Variants in SCNN1G observed in about 807,000 individuals in gnomAD.
The protein encoded by SCNN1G is epithelial sodium channel subunit gamma.
SCNN1G carries 27 observed loss-of-function variants against 64.6 expected under a neutral mutation model. The ratio of observed to expected loss-of-function variants is 0.42; its 90% CI spans 0.31 to 0.58. SCNN1G has a LOEUF of 0.58. Among genes scored for constraint, SCNN1G ranks in the 20% least tolerant of loss-of-function variants. The probability of loss-of-function intolerance (pLI) is 0.18; values close to 1 mark genes in which losing one functional copy is unlikely to be tolerated. For synonymous variants in SCNN1G, 330 were observed against 314.2 expected (o/e 1.05, Z -0.53); for missense variants, 743 against 823.4 (o/e 0.90, Z 1.19).
rs371061652 is a variant in SCNN1G at position 23,189,385 on chromosome 16, G to C, written c.332G>C (p.Arg111Pro). ...CACCTTGGCAGGTACAGCACCGTTC[G>C]CCACCTTCTAGCTGACTTGGAACAG... ...NINPYKYSTV[R>P]HLLADLEQET... is the part of the protein sequence containing the mutation. The change falls in exon 3 of 13, where the codon CGC becomes CCC. Residue 111 changes from arginine (R) to proline (P), a missense_variant. Transcript: ENST00000300061. 10 of 1,613,620 alleles carry C rather than the reference G, an allele frequency of 6.2e-6. No homozygotes were observed. The highest frequency in any genetic ancestry group is 2.2e-5 in the East Asian group (1 of 44,872).
rs1959813526 is a variant in SCNN1G, at chr16:23,197,396, C to T, written c.1046C>T (p.Thr349Ile). The T allele has an allele frequency of 6.2e-7, 1 of 1,614,020 alleles. No individual in the cohort carries two copies. Among genetic ancestry groups the T allele is most frequent in the South Asian group, 1.1e-5 (1 of 91,078 alleles). The change falls in exon 6 of 13, where the codon ACA becomes ATA. Residue 349 changes from threonine to isoleucine, a missense_variant. By Grantham distance (89) the Thr-to-Ile change is moderately conservative (BLOSUM62 -1). Transcript: ENST00000300061. ...GAAGATGTGGGAACAGAGATTGAGA[C>T]AGCAATGGTCACCTCTATAGGAATG... ...FVEDVGTEIE[T>I]AMVTSIGMHL...
Position 23,212,083 on chromosome 16 carries a change from G to A in SCNN1G, c.1226G>A (p.Cys409Tyr), listed in dbSNP as rs763930159. Reference sequence around the variant, plus strand: ...ACAAAGATGGTGGAGAAATGTGGGTGTGCCCAGTACAGCCAGCCTCTACCT... The same window carrying A: ...ACAAAGATGGTGGAGAAATGTGGGTATGCCCAGTACAGCCAGCCTCTACCT... ...FQTKMVEKCG[C>Y]AQYSQPLPPA... The change falls in exon 8 of 13, where the codon TGT (cysteine) becomes TAT (tyrosine). Residue 409 changes from cysteine to tyrosine, a missense_variant. Coordinates refer to ENST00000300061, the MANE Select transcript of SCNN1G (RefSeq NM_001039.4). 4 of 1,614,068 alleles carry A rather than the reference G, an allele frequency of 2.5e-6. No individual in the cohort carries two copies. In the Admixed American group the frequency reaches 6.7e-5, roughly 27 times the overall value.
Position 23,186,325 on chromosome 16 carries a change from G to C in SCNN1G, c.54G>C (p.Thr18=), listed in dbSNP as rs372381156. ...AAATCAAGAAGAATCTGCCCGTGAC[G>C]GGCCCTCAGGCGCCGACCATTAAAG... ...KAKIKKNLPV[T]GPQAPTIKEL... The change falls in exon 2 of 13, where the codon ACG becomes ACC. Residue 18 remains threonine (T), a synonymous_variant. Transcript: ENST00000300061. 6.2e-7 allele frequency: 1 copy of C among 1,614,200 alleles called. No homozygotes were observed. Among genetic ancestry groups the C allele is most frequent in the Non-Finnish European group, 8.5e-7 (1 of 1,180,036 alleles).
chr16:23,208,571 C>A (rs1029681007), intron 6 of SCNN1G, among the ~76,000 whole-genome samples: 2 of 151,770 alleles, frequency 1.3e-5, no homozygotes, highest in Non-Finnish European at 2.9e-5. Flanking sequence ...TCCCTGCTCC[C>A]GCTTCCTTTC....
intron 6 of SCNN1G, among the ~76,000 whole-genome samples, chr16:23,199,655 TTTC>T (rs1959853596): frequency 6.9e-6 from 1 of 144,756 alleles, no homozygotes; most frequent in South Asian, 2.1e-4. Flanking sequence ...TTTCTTTTCT[TTTC>T]TTTTCTTTTT....
rs954121504 is a variant in SCNN1G at position 23,194,189 on chromosome 16, C to A, written c.828C>A (p.His276Gln). 2.5e-6 allele frequency: 4 copies of A among 1,613,588 alleles called. No individual in the cohort carries two copies. The highest frequency in any genetic ancestry group is 3.4e-6 in the Non-Finnish European group (4 of 1,179,618). The change falls in exon 5 of 13, where the codon CAC becomes CAA. Residue 276 changes from histidine (H) to glutamine (Q), a missense_variant. His to Gln is a conservative substitution (Grantham distance 24, BLOSUM62 0). Coordinates refer to ENST00000300061, the MANE Select transcript of SCNN1G (RefSeq NM_001039.4). ...SCDARNFTLF[H>Q]HPMHGNCYTF... ...TCCATAGGAATTTCACGCTTTTCCA[C>A]CACCCGATGCATGGGAATTGCTATA...
chr16:23,191,428 G>C (rs1959706828), intron 3 of SCNN1G, among the ~76,000 whole-genome samples: 1 of 152,170 alleles, frequency 6.6e-6, no homozygotes, highest in Non-Finnish European at 1.5e-5. Context: ...TCTTTATATA[G>C]ATGTTTGTTT....
intron 6 of SCNN1G, among the ~76,000 whole-genome samples, chr16:23,208,921 C>T (rs935777593): frequency 1.3e-5 from 2 of 151,898 alleles, no homozygotes; most frequent in Non-Finnish European, 2.9e-5. Context: ...CTTTCTAATC[C>T]CTCCTCCCAC....
chr16:23,215,336 A>C lies in SCNN1G; in HGVS notation c.1817A>C (p.Asn606Thr), dbSNP rs573829948. The C allele has an allele frequency of 8.1e-6, 13 of 1,613,632 alleles. No individual in the cohort carries two copies. The highest frequency in any genetic ancestry group is 1.0e-5 in the Non-Finnish European group (12 of 1,179,910). ...ATAGACGATGACCTACCCACTTTCAACTCTGCTTTGCACCTGCCTCCAGCC... is the reference window on the plus strand; with the variant it reads ...ATAGACGATGACCTACCCACTTTCACCTCTGCTTTGCACCTGCCTCCAGCC... ...LDIDDDLPTFNSALHLPPALG... is the reference protein window; with the variant it reads ...LDIDDDLPTFTSALHLPPALG... The change falls in exon 13 of 13, where the codon AAC (asparagine) becomes ACC (threonine). Residue 606 changes from asparagine (N) to threonine (T), a missense_variant. Coordinates refer to ENST00000300061, the MANE Select transcript of SCNN1G (RefSeq NM_001039.4).
chr16:23,186,676 C>G, intron 2 of SCNN1G, 88 bp downstream of exon 2: 2 of 1,160,084 alleles, frequency 1.7e-6, no homozygotes, highest in East Asian at 4.7e-5. Context: ...CACTGGCAGC[C>G]TGGAGGTCGA....
At chr16:23,196,768 T>G (rs973873773) in intron 5 of SCNN1G, among the ~76,000 whole-genome samples, 3 of 152,154 alleles carry the variant, frequency 2.0e-5, no homozygotes, top group Non-Finnish European at 4.4e-5. Flanking sequence ...GATACTGTGT[T>G]TACTCTGGTG....
intron 6 of SCNN1G, among the ~76,000 whole-genome samples, chr16:23,204,324 TATATATATATAGAGAGAG>T (rs1315152668): frequency 1.6e-4 from 11 of 67,522 alleles, no homozygotes; most frequent in South Asian, 6.2e-4. Flanking sequence ...TATATATATA[TATATATATATAGAGAGAG>T]AGAGAGAGAG....
chr16:23,189,327 G>T, intron 2 of SCNN1G, 44 bp from the exon 3 acceptor site: 2 of 1,600,072 alleles, frequency 1.2e-6, no homozygotes, highest in South Asian at 1.1e-5. Flanking sequence ...AGTTCTGCCA[G>T]GGCCGCCTCC....
At chr16:23,213,672 C>T (rs907506509) in intron 11 of SCNN1G, among the ~76,000 whole-genome samples, 7 of 152,210 alleles carry the variant, frequency 4.6e-5, no homozygotes, top group Admixed American at 3.3e-4. Context: ...CTCCCTCATG[C>T]GCACTGCTGG....
chr16:23,189,227 T>G (rs1438814384), intron 2 of SCNN1G, 144 bp from the exon 3 acceptor site: 6 of 837,862 alleles, frequency 7.2e-6, no homozygotes, highest in African/African-American at 1.7e-5. Context: ...GGTCAAGTCA[T>G]GAAAGGCGTG....
chr16:23,188,354 T>C (rs1378088619), intron 2 of SCNN1G, among the ~76,000 whole-genome samples: 1 of 151,888 alleles, frequency 6.6e-6, no homozygotes, highest in Non-Finnish European at 1.5e-5. Context: ...AAAAATATTT[T>C]ATTTTAAATT....
In SCNN1G at chr16:23,186,581, C is replaced by T. The variant is rs745530837; in HGVS notation, c.310C>T (p.Pro104Ser). The change falls in exon 2 of 13, where the codon CCC (proline) becomes TCC (serine). Residue 104 changes from proline (P) to serine (S), a missense_variant. Physicochemically the swap from Pro to Ser is moderately conservative, Grantham distance 74. Coordinates refer to ENST00000300061, the MANE Select transcript of SCNN1G (RefSeq NM_001039.4). ...TGCAGTCACCATCTGCAACATCAACCCCTACAAGTAAGAGGCATGAGCAGG... is the reference window on the plus strand; with the variant it reads ...TGCAGTCACCATCTGCAACATCAACTCCTACAAGTAAGAGGCATGAGCAGG... ...FPAVTICNINPYKYSTVRHLL... is the reference protein window; with the variant it reads ...FPAVTICNINSYKYSTVRHLL... 1 of 1,612,340 alleles carries T rather than the reference C, an allele frequency of 6.2e-7. No homozygotes were observed. Among genetic ancestry groups the T allele is most frequent in the Non-Finnish European group, 8.5e-7 (1 of 1,179,896 alleles).
At position 23,194,632 on chromosome 16, in the gene SCNN1G, G is replaced by T. The variant is rs568399072; in HGVS notation, c.913+358G>T. Among the ~76,000 whole-genome samples, 4 of 152,332 alleles carry T rather than the reference G, an allele frequency of 2.6e-5. No homozygotes were observed. The East Asian group carries it at 7.7e-4, about 29-fold the overall frequency. ...GCCCAGATATGCTGAACAGATTAGG[G>T]AAGTAGACGCACATTTATCTTAGTT... On this transcript the variant is annotated intron_variant, in intron 5 of 12. Coordinates refer to ENST00000300061, the MANE Select transcript of SCNN1G (RefSeq NM_001039.4).
At position 23,201,458 on chromosome 16, in the gene SCNN1G, T is replaced by G. The variant is rs75380868; in HGVS notation, c.1077+4031T>G. Among the ~76,000 whole-genome samples, 156 of 151,982 alleles carry G rather than the reference T, an allele frequency of 1.0e-3. 3 individuals carry two copies. In the East Asian group the frequency reaches 0.023, roughly 22 times the overall value. Reference sequence around the variant, plus strand: ...GTTTTCTGCTACACCTAATTTAAGATGTAGAAAATCAAAGCCACAGAGCAG... The same window carrying G: ...GTTTTCTGCTACACCTAATTTAAGAGGTAGAAAATCAAAGCCACAGAGCAG... On this transcript the variant is annotated intron_variant, in intron 6 of 12. Transcript: ENST00000300061.
Sources: allele counts gnomAD v4.1 joint callset (sites outside exome capture counted in the v4.1 genomes callset), GRCh38; gene constraint gnomAD v4.1.1; transcripts MANE v1.5; gene names NCBI Gene and HGNC (gene_info 2026-07-23, HGNC 2026-07-21).